Variants in AGBL1 observed in about 807,000 individuals in gnomAD.
The protein encoded by AGBL1 is AGBL carboxypeptidase 1.
Under a neutral mutation model 118.9 loss-of-function variants are expected in AGBL1, and 130 were observed. The ratio of observed to expected loss-of-function variants is 1.09; its 90% CI spans 0.95 to 1.26. The LOEUF is 1.26. Ranked by LOEUF, AGBL1 falls within the 50% of genes most tolerant of loss-of-function variation. AGBL1 has a pLI of 0.00. For synonymous variants in AGBL1, 555 were observed against 478.9 expected (o/e 1.16, Z -2.08); for missense variants, 1,584 against 1,298.1 (o/e 1.22, Z -3.38).
At chr15:86,539,417 C>T (rs1413039180) in intron 19 of AGBL1, among the ~76,000 whole-genome samples, 1 of 152,110 alleles carries the variant, frequency 6.6e-6, no homozygotes, top group Non-Finnish European at 1.5e-5. Context: ...AAGCTAGGCC[C>T]TTCTCATCTC....
chr15:86,148,089 C>G (rs553101281), intron 3 of AGBL1, among the ~76,000 whole-genome samples: 2 of 152,280 alleles, frequency 1.3e-5, no homozygotes, highest in East Asian at 3.9e-4. Context: ...GCATTGATAT[C>G]AACAAAGATC....
intron 21 of AGBL1, among the ~76,000 whole-genome samples, chr15:86,640,604 T>C (rs969515156): frequency 1.5e-4 from 23 of 152,230 alleles, no homozygotes; most frequent in African/African-American, 5.3e-4. Flanking sequence ...CTCAAATATA[T>C]GTAATAACAA....
At chr15:86,287,803 C>T (rs73451552) in intron 16 of AGBL1, among the ~76,000 whole-genome samples, 17,835 of 151,940 alleles carry the variant, frequency 0.12, 2,073 homozygotes, top group African/African-American at 0.29. Context: ...GACAGTGTTT[C>T]CCAAAACATA....
At chr15:86,145,822 G>A (rs2077026120) in intron 3 of AGBL1, among the ~76,000 whole-genome samples, 1 of 152,192 alleles carries the variant, frequency 6.6e-6, no homozygotes, top group Non-Finnish European at 1.5e-5. Flanking sequence ...ATGTTCAAGT[G>A]GAGAAGGCCA....
At chr15:86,927,378 C>T (rs1419905313) in intron 23 of AGBL1, among the ~76,000 whole-genome samples, 2 of 150,734 alleles carry the variant, frequency 1.3e-5, no homozygotes, top group Admixed American at 6.6e-5. Flanking sequence ...CACTTGAAGC[C>T]AGGAGTTTGA....
At chr15:86,098,205 G>C (rs1896501589) in intron 1 of AGBL1, among the ~76,000 whole-genome samples, 1 of 151,858 alleles carries the variant, frequency 6.6e-6, no homozygotes, top group East Asian at 1.9e-4. Flanking sequence ...GTATATTCTG[G>C]ATATTAGTCC....
chr15:86,934,815 C>T (rs1037734466), intron 23 of AGBL1, among the ~76,000 whole-genome samples: 1 of 152,060 alleles, frequency 6.6e-6, no homozygotes, highest in Admixed American at 6.6e-5. Context: ...TAGTAAGTTC[C>T]CTTTTTCCAT....
At chr15:86,218,400 A>T (rs1262647975) in intron 5 of AGBL1, among the ~76,000 whole-genome samples, 2 of 152,176 alleles carry the variant, frequency 1.3e-5, no homozygotes, top group African/African-American at 2.4e-5. Flanking sequence ...TGGTATCTGG[A>T]TGCTAAACAT....
rs188831983 is a variant in AGBL1, at chr15:86,095,857, G to A, written c.51+15834G>A. Among the ~76,000 whole-genome samples the A allele has an allele frequency of 2.2e-3, 337 of 151,774 alleles. 15 individuals carry two copies. In the South Asian group the frequency reaches 0.067, roughly 30 times the overall value. ...AGACATGGGCTTAAATCTTGGCTTT[G>A]CTATTAATTGGCTATGTGACCTTAG... On this transcript the variant is annotated intron_variant, in intron 1 of 22. Coordinates refer to ENST00000614907, the MANE Select transcript of AGBL1 (RefSeq NM_001386094.1).
At chr15:86,108,298 A>G (rs1179501172) in intron 1 of AGBL1, among the ~76,000 whole-genome samples, 1 of 152,208 alleles carries the variant, frequency 6.6e-6, no homozygotes, top group Non-Finnish European at 1.5e-5. Context: ...GAGAAAGGTG[A>G]GATGATTTTG....
At chr15:86,365,507 G>T (rs1487945358) in intron 17 of AGBL1, among the ~76,000 whole-genome samples, 1 of 152,080 alleles carries the variant, frequency 6.6e-6, no homozygotes, top group Non-Finnish European at 1.5e-5. Flanking sequence ...AAAATAAATT[G>T]AAATTTACCA....
chr15:86,879,620 A>G (rs1354034651), intron 22 of AGBL1, among the ~76,000 whole-genome samples: 1 of 152,204 alleles, frequency 6.6e-6, no homozygotes, highest in East Asian at 1.9e-4. Flanking sequence ...GAACTCCCAA[A>G]AACTAATTAT....
chr15:86,142,069 T>A lies in AGBL1; in HGVS notation c.115+2T>A, dbSNP rs964697875. 6.5e-7 allele frequency: 1 copy of A among 1,550,146 alleles called. No individual in the cohort carries two copies. ...TCCTCGGAGATCTGCTTTCTGTTGG[T>A]GAGTAGGCCATGCTCTCATGCTTTC... On this transcript the variant is annotated splice_donor_variant, in intron 2 of 22. Transcript: ENST00000614907. LOFTEE classifies it high-confidence loss of function.
rs540007099 is a variant in AGBL1, at chr15:86,663,561, A to G, written c.2995-10712A>G. Among the ~76,000 whole-genome samples the G allele has an allele frequency of 5.9e-5, 9 of 152,200 alleles. No individual in the cohort carries two copies. The East Asian group carries it at 1.7e-3, about 29-fold the overall frequency. ...TGCAGGAAACAGTGGTCACAACAGC[A>G]AAGGGGAGGGAGGCAGGCTGTTGTT... On this transcript the variant is annotated intron_variant, in intron 21 of 22. Transcript: ENST00000614907.
At chr15:86,995,870 G>T (rs1295656742) in intron 24 of AGBL1, among the ~76,000 whole-genome samples, 1 of 152,130 alleles carries the variant, frequency 6.6e-6, no homozygotes, top group African/African-American at 2.4e-5. Context: ...AGTCTTTGCA[G>T]CAGGAGTGTA....
chr15:86,436,089 CTTTT>C (rs35296563), intron 18 of AGBL1, among the ~76,000 whole-genome samples: 95 of 111,524 alleles, frequency 8.5e-4, no homozygotes, highest in Middle Eastern at 5.6e-3. Flanking sequence ...CCTTTCCTCT[CTTTT>C]TTTTTTTTTT....
chr15:86,696,103 G>C (rs949357493), intron 22 of AGBL1, among the ~76,000 whole-genome samples: 1 of 151,934 alleles, frequency 6.6e-6, no homozygotes, highest in Admixed American at 6.6e-5. Flanking sequence ...AGGTTCATTT[G>C]TTTTAGGGTA....
At chr15:86,897,474 A>G (rs1301384957) in intron 22 of AGBL1, among the ~76,000 whole-genome samples, 1 of 151,922 alleles carries the variant, frequency 6.6e-6, no homozygotes, top group Non-Finnish European at 1.5e-5. Flanking sequence ...TTACTTTCAC[A>G]TCTATTATCT....
chr15:86,680,850 A>G (rs1457084205), intron 22 of AGBL1, among the ~76,000 whole-genome samples: 1 of 151,936 alleles, frequency 6.6e-6, no homozygotes, highest in African/African-American at 2.4e-5. Flanking sequence ...TACAGGCGTG[A>G]GCCACTGCAC....
Sources: gnomAD v4.1 joint callset for allele counts (sites outside exome capture counted in the v4.1 genomes callset) on GRCh38, gnomAD v4.1.1 for gene constraint, MANE v1.5 for transcripts, NCBI Gene and HGNC (gene_info 2026-07-23, HGNC 2026-07-21) for gene names.